Variants in STRADB observed in about 807,000 individuals in gnomAD.
STRADB encodes STE20 related adaptor beta.
STRADB carries 34 observed loss-of-function variants against 52.1 expected under a neutral mutation model. The observed-to-expected ratio is 0.65, with a 90% CI of 0.50 to 0.87. The LOEUF (loss-of-function observed/expected upper bound fraction) is 0.87. Ranked by LOEUF, STRADB falls within the 40% of genes least tolerant of loss-of-function variation. STRADB has a pLI of 0.00. For missense variants in STRADB, 340 were observed against 483.9 expected (o/e 0.70, Z 2.79); for synonymous variants, 133 against 174.5 (o/e 0.76, Z 1.87).
chr2:201,472,817 A>G (rs1157587746), intron 4 of STRADB, 138 bp from the exon 5 acceptor site: 2 of 747,820 alleles, frequency 2.7e-6, no homozygotes, highest in Non-Finnish European at 4.1e-6. Context: ...TATTATTAAT[A>G]CTTTGAATCA....
At chr2:201,462,059 C>T (rs1460203781) in intron 3 of STRADB, among the ~76,000 whole-genome samples, 1 of 152,084 alleles carries the variant, frequency 6.6e-6, no homozygotes, top group Non-Finnish European at 1.5e-5. Flanking sequence ...TATACAAGTA[C>T]CATGCTGTTT....
chr2:201,475,523 G>T (rs551278615), intron 6 of STRADB, 96 bp from the exon 7 acceptor site: 2 of 1,438,900 alleles, frequency 1.4e-6, no homozygotes, highest in South Asian at 2.4e-5. Context: ...AAAGTAACAG[G>T]TATGTTTGTG....
chr2:201,479,302 G>T, intron 10 of STRADB, 187 bp from the exon 11 acceptor site: 1 of 569,770 alleles, frequency 1.8e-6, no homozygotes, highest in Non-Finnish European at 3.1e-6. Context: ...TTAATTGAAG[G>T]ATACCTCTAC....
At chr2:201,478,679 A>T in intron 10 of STRADB, 78 bp downstream of exon 10, 1 of 1,463,310 alleles carries the variant, frequency 6.8e-7, no homozygotes, top group South Asian at 1.4e-5. Context: ...TTGCCCTTCC[A>T]GGAGAATACA....
At chr2:201,468,749 C>G (rs1952344646) in intron 3 of STRADB, among the ~76,000 whole-genome samples, 1 of 152,168 alleles carries the variant, frequency 6.6e-6, no homozygotes, top group African/African-American at 2.4e-5. Context: ...ACATCTCTAG[C>G]CTTCCCGACA....
At chr2:201,478,258 TG>T in intron 9 of STRADB, 67 bp downstream of exon 9, 2 of 1,589,658 alleles carry the variant, frequency 1.3e-6, no homozygotes, top group Admixed American at 3.5e-5. Context: ...AGATAATTTC[TG>T]TTAAACATGT....
chr2:201,477,353 C>T (rs376535049), intron 7 of STRADB, among the ~76,000 whole-genome samples: 13 of 152,208 alleles, frequency 8.5e-5, no homozygotes, highest in South Asian at 8.3e-4. Flanking sequence ...CGTGAGCCAC[C>T]GCACCCGGCT....
rs140068020 is a variant in STRADB at position 201,471,559 on chromosome 2, C to T, written c.194-1396C>T. 2.5e-3 allele frequency among the ~76,000 whole-genome samples: 373 copies of T among 152,162 alleles called. 3 individuals carry two copies. Among genetic ancestry groups the T allele is most frequent in the African/African-American group, 8.4e-3 (349 of 41,522 alleles). On this transcript the variant is annotated intron_variant, in intron 4 of 11. Transcript: ENST00000194530. ...ACTCCCATTTCGCAGATGAGGATACCGAGGCTCTGAGTCATACAGTTAGTG... is the reference window on the plus strand; with the variant it reads ...ACTCCCATTTCGCAGATGAGGATACTGAGGCTCTGAGTCATACAGTTAGTG...
intron 6 of STRADB, among the ~76,000 whole-genome samples, chr2:201,475,329 C>T (rs978632081): frequency 6.6e-6 from 1 of 151,430 alleles, no homozygotes; most frequent in Non-Finnish European, 1.5e-5. Flanking sequence ...TTGTGAATTG[C>T]TTCTGGATTT....
chr2:201,467,923 G>A lies in STRADB; in HGVS notation c.94-2030G>A, dbSNP rs922542554. 7.4e-5 allele frequency among the ~76,000 whole-genome samples: 11 copies of A among 149,330 alleles called. No individual in the cohort carries two copies. In the South Asian group the frequency reaches 1.9e-3, roughly 26 times the overall value. On this transcript the variant is annotated intron_variant, in intron 3 of 11. Transcript: ENST00000194530. The stretch of plus-strand genomic sequence containing the variant: ...TCATGGTATTGACTGAAACCTCTGA[G>A]TCATAAACCTGGTATCCTCAATTTT...
intron 2 of STRADB, among the ~76,000 whole-genome samples, 194 bp from the exon 3 acceptor site, chr2:201,458,590 T>C (rs1952163461): frequency 6.6e-6 from 1 of 152,226 alleles, no homozygotes; most frequent in Non-Finnish European, 1.5e-5. Context: ...TTTGTCTGCA[T>C]GCCCAGCCAC....
chr2:201,477,043 ATAT>A (rs1952485296), intron 7 of STRADB, among the ~76,000 whole-genome samples: 1 of 139,954 alleles, frequency 7.1e-6, no homozygotes, highest in Non-Finnish European at 1.5e-5. Context: ...GTTTGAAAAA[ATAT>A]TATCAGTTTT....
chr2:201,463,331 C>A (rs371788261), intron 3 of STRADB, among the ~76,000 whole-genome samples: 2,985 of 112,874 alleles, frequency 0.026, 2 homozygotes, highest in Middle Eastern at 0.032. Flanking sequence ...GAGACTGTCT[C>A]AAAAAAAAAA....
At chr2:201,476,472 T>TTAAG (rs1432591516) in intron 7 of STRADB, among the ~76,000 whole-genome samples, 1 of 151,972 alleles carries the variant, frequency 6.6e-6, no homozygotes, top group African/African-American at 2.4e-5. Context: ...TCCTCCTCTG[T>TTAAG]TAAGTTTCTA....
chr2:201,474,505 T>A, intron 5 of STRADB, 142 bp from the exon 6 acceptor site: 1 of 597,472 alleles, frequency 1.7e-6, no homozygotes, highest in Non-Finnish European at 2.8e-6. Context: ...GGAGTGGTTG[T>A]GAGATTTAAA....
At position 201,478,099 on chromosome 2, in the gene STRADB, TATAA is replaced by T; in HGVS notation, c.734_737del (p.Tyr245LeufsTer2). 1 of 1,610,104 alleles carries T rather than the reference TATAA, an allele frequency of 6.2e-7. No homozygotes were observed. On this transcript the variant is annotated frameshift_variant, in exon 9 of 12. Coordinates refer to ENST00000194530, the MANE Select transcript of STRADB (RefSeq NM_018571.6). LOFTEE classifies it high-confidence loss of function. ...TTGTGTCCTACAGGATTTACATGGG[TATAA>T]TGTGAAGTCAGATATTTACAGTGTT...
intron 7 of STRADB, 34 bp downstream of exon 7, chr2:201,475,776 AT>A: frequency 6.4e-7 from 1 of 1,560,670 alleles, no homozygotes; most frequent in Non-Finnish European, 8.6e-7. Flanking sequence ...AAATGAAATA[AT>A]TTTAATGGAA....
intron 2 of STRADB, among the ~76,000 whole-genome samples, chr2:201,455,603 G>A (rs765903748): frequency 6.6e-6 from 1 of 151,866 alleles, no homozygotes; most frequent in Non-Finnish European, 1.5e-5. Flanking sequence ...CTACTCAGAG[G>A]GTTAAGGTGG....
intron 3 of STRADB, among the ~76,000 whole-genome samples, chr2:201,464,142 A>G (rs756538404): frequency 3.3e-5 from 5 of 152,052 alleles, no homozygotes; most frequent in Admixed American, 6.5e-5. Flanking sequence ...ATGCTTGTGG[A>G]TGTTCATTAA....
Sources: allele counts gnomAD v4.1 joint callset (sites outside exome capture counted in the v4.1 genomes callset), GRCh38; gene constraint gnomAD v4.1.1; transcripts MANE v1.5; gene names NCBI Gene and HGNC (gene_info 2026-07-23, HGNC 2026-07-21).